Variants in SFSWAP observed in about 807,000 individuals in gnomAD.
The protein encoded by SFSWAP is splicing factor SWAP.
In SFSWAP, 17 loss-of-function variants were observed where a neutral mutation model predicts 100.7. The ratio of observed to expected loss-of-function variants is 0.17; its 90% CI spans 0.12 to 0.25. SFSWAP has a LOEUF of 0.25. SFSWAP is among the 10% of genes least tolerant of loss of function. The pLI is 1.00. For synonymous variants in SFSWAP, 504 were observed against 510.1 expected (o/e 0.99, Z 0.16); for missense variants, 1,005 against 1,262.6 (o/e 0.80, Z 3.09).
chr12:131,759,278 T>A (rs1330344973), intron 11 of SFSWAP, among the ~76,000 whole-genome samples: 1 of 152,088 alleles, frequency 6.6e-6, no homozygotes, highest in Non-Finnish European at 1.5e-5. Context: ...CCTGAAAGAA[T>A]TTTGAAAATA....
chr12:131,739,263 G>A (rs925093142), intron 7 of SFSWAP, among the ~76,000 whole-genome samples: 5 of 152,168 alleles, frequency 3.3e-5, no homozygotes, highest in African/African-American at 9.7e-5. Flanking sequence ...AGGTCAAAGA[G>A]TATGTGCATT....
intron 14 of SFSWAP, chr12:131,784,032 C>G (rs966010951): frequency 2.0e-5 from 3 of 151,900 alleles, no homozygotes; most frequent in African/African-American, 7.3e-5. Flanking sequence ...GACTCATCTC[C>G]TAATCCTGCC....
chr12:131,779,156 G>T (rs1281447719), intron 14 of SFSWAP, among the ~76,000 whole-genome samples: 3 of 140,362 alleles, frequency 2.1e-5, no homozygotes, highest in Non-Finnish European at 4.7e-5. Flanking sequence ...GTGAGCGTGT[G>T]TGCAGAGATG....
In SFSWAP at chr12:131,753,273, C is replaced by A. The variant is rs767756630; in HGVS notation, c.1232C>A (p.Thr411Asn). The A allele has an allele frequency of 6.2e-7, 1 of 1,613,786 alleles. No homozygotes were observed. The highest frequency in any genetic ancestry group is 2.2e-5 in the East Asian group (1 of 44,886). ...TCTAACTCCCCTGGAGTGACGACCA[C>A]CGCCCCACCACCTCCTGGGACCACA... ...TVSNSPGVTT[T>N]APPPPGTTPL... Residue 411 changes from threonine to asparagine, a missense_variant, in exon 8 of 18, where the codon ACC becomes AAC. By Grantham distance (65) the Thr-to-Asn change is moderately conservative. This residue lies in a region of SFSWAP where 311 missense variants were observed against 317.8 expected (regional missense o/e 0.98). Transcript: ENST00000261674.
chr12:131,755,425 T>C lies in SFSWAP; in HGVS notation c.1494T>C (p.Tyr498=). ...FLQPWHQYNA[Y]YEFKKQFFLQ... ...AGCCGTGGCACCAGTATAATGCTTA[T>C]TATGAGTTTAAGAAGCAGTTCTTCC... The change falls in exon 10 of 18, where the codon TAT becomes TAC. Residue 498 remains tyrosine (Y), a synonymous_variant. Transcript: ENST00000261674. 6.2e-7 allele frequency: 1 copy of C among 1,614,010 alleles called. No individual in the cohort carries two copies. The highest frequency in any genetic ancestry group is 8.5e-7 in the Non-Finnish European group (1 of 1,179,978).
intron 11 of SFSWAP, among the ~76,000 whole-genome samples, chr12:131,758,349 A>C (rs1172735224): frequency 6.6e-6 from 1 of 152,174 alleles, no homozygotes; most frequent in Admixed American, 6.5e-5. Context: ...TACCGTCTAC[A>C]TCCACCCAAG....
chr12:131,735,512 A>G (rs1459198058), intron 7 of SFSWAP, among the ~76,000 whole-genome samples: 3 of 152,238 alleles, frequency 2.0e-5, no homozygotes, highest in Non-Finnish European at 4.4e-5. Flanking sequence ...GGAAGACAAG[A>G]TCGTAAAGTG....
rs555376183 is a variant in SFSWAP, at chr12:131,768,814, T to C, written c.2142+2506T>C. On this transcript the variant is annotated intron_variant, in intron 13 of 17. Coordinates refer to ENST00000261674, the MANE Select transcript of SFSWAP (RefSeq NM_004592.4). ...CCAGTTATGGCCGAAGGATCTGTGG[T>C]CATTCCTTAGCTTTAATAGGATTTC... 9.9e-5 allele frequency among the ~76,000 whole-genome samples: 15 copies of C among 152,266 alleles called. No homozygotes were observed. In the East Asian group the frequency reaches 2.9e-3, roughly 29 times the overall value.
At chr12:131,738,882 A>ATTTTT (rs1555243205) in intron 7 of SFSWAP, among the ~76,000 whole-genome samples, 1 of 40,180 alleles carries the variant, frequency 2.5e-5, no homozygotes, top group Non-Finnish European at 7.6e-5. Flanking sequence ...AATGAACATT[A>ATTTTT]TTCTTTTTTT....
chr12:131,773,211 T>A (rs1883754670), intron 13 of SFSWAP, among the ~76,000 whole-genome samples: 1 of 152,220 alleles, frequency 6.6e-6, no homozygotes, highest in Non-Finnish European at 1.5e-5. Flanking sequence ...ATACATTCTC[T>A]CTTCATTCCT....
chr12:131,786,924 CAG>C (rs780718825), intron 15 of SFSWAP, among the ~76,000 whole-genome samples: 1 of 152,176 alleles, frequency 6.6e-6, no homozygotes, highest in Non-Finnish European at 1.5e-5. Flanking sequence ...AAGGCACAAA[CAG>C]AAGGAAAATG....
In SFSWAP at chr12:131,797,183, C is replaced by G; in HGVS notation, c.2540C>G (p.Pro847Arg). 6.2e-7 allele frequency: 1 copy of G among 1,608,260 alleles called. No homozygotes were observed. The highest frequency in any genetic ancestry group is 1.3e-5 in the African/African-American group (1 of 74,982). ...CAGAAACTCTTGCCTTTCAGAAGTC[C>G]CCACGAGAAGAAGAAGAAGAGGCGG... The part of the protein sequence containing the change: ...ASRKRTRSRS[P>R]HEKKKKRRSR... The change falls in exon 16 of 18, where the codon CCC (proline) becomes CGC (arginine). Residue 847 changes from proline to arginine, a missense_variant. Around this residue, in one of 7 missense-constraint regions of SFSWAP, gnomAD observed 295 missense variants for 347.9 expected, o/e 0.85. Transcript: ENST00000261674.
chr12:131,728,878 A>G (rs778795299), intron 7 of SFSWAP, among the ~76,000 whole-genome samples: 11 of 151,986 alleles, frequency 7.2e-5, no homozygotes, highest in Admixed American at 7.2e-4. Flanking sequence ...ATTTTTTGAT[A>G]GGGATGGGGT....
chr12:131,767,372 T>C (rs1883200068), intron 13 of SFSWAP, among the ~76,000 whole-genome samples: 1 of 152,268 alleles, frequency 6.6e-6, no homozygotes, highest in Non-Finnish European at 1.5e-5. Flanking sequence ...GAATTTTATT[T>C]TGTATTTAAA....
intron 13 of SFSWAP, among the ~76,000 whole-genome samples, chr12:131,777,537 C>G (rs1012887312): frequency 1.9e-4 from 29 of 152,286 alleles, no homozygotes; most frequent in Admixed American, 5.2e-4. Context: ...TTAATCCAGT[C>G]TATCATTGTT....
Position 131,715,085 on chromosome 12 carries a change from G to A in SFSWAP, c.520+132G>A, listed in dbSNP as rs1418003799. The A allele has an allele frequency of 1.4e-5, 11 of 807,474 alleles. No individual in the cohort carries two copies. The East Asian group carries it at 1.5e-4, about 11-fold the overall frequency. 50.0% of individuals were successfully genotyped at this position (807,474 alleles called of 1,614,324 possible). A position where few individuals can be genotyped will look rare whatever the true frequency, so the allele number is the denominator to read the frequency against. ...CACCACTATGACCACAGGAGAAAAC[G>A]GGAGTGATATTCCTTCTTTTGGTAA... On this transcript the variant is annotated intron_variant, in intron 3 of 17. Transcript: ENST00000261674.
intron 14 of SFSWAP, among the ~76,000 whole-genome samples, chr12:131,783,042 G>A (rs1253984201): frequency 2.6e-5 from 4 of 152,044 alleles, no homozygotes; most frequent in African/African-American, 9.7e-5. Flanking sequence ...TCAGCCAGGC[G>A]TGTTGGTGTG....
Position 131,728,816 on chromosome 12 carries a change from C to T in SFSWAP, c.1081+388C>T, listed in dbSNP as rs115885585. On this transcript the variant is annotated intron_variant, in intron 7 of 17. Transcript: ENST00000261674. ...CCAAACTCAAACGATCCTCCCACCT[C>T]GGTCTCTCTAGTAGGTGGGACTACA... is the stretch of plus-strand genomic sequence containing the variant. Among the ~76,000 whole-genome samples, 1,509 of 151,980 alleles carry T rather than the reference C, an allele frequency of 9.9e-3. 30 individuals carry two copies. Among genetic ancestry groups the T allele is most frequent in the African/African-American group, 0.034 (1,421 of 41,410 alleles).
intron 14 of SFSWAP, chr12:131,785,275 A>T: frequency 7.1e-7 from 1 of 1,415,630 alleles, no homozygotes; most frequent in South Asian, 1.2e-5. Flanking sequence ...AAATCTTAGG[A>T]AAGGTCTGGG....
Sources: allele counts gnomAD v4.1 joint callset (sites outside exome capture counted in the v4.1 genomes callset), GRCh38; gene constraint gnomAD v4.1.1; regional missense constraint gnomAD v4.1.1; transcripts MANE v1.5; gene names NCBI Gene and HGNC (gene_info 2026-07-23, HGNC 2026-07-21).